Variants in ATP10B observed in about 807,000 individuals in gnomAD.
ATP10B encodes phospholipid-transporting ATPase VB.
In ATP10B, 122 loss-of-function variants were observed where a neutral mutation model predicts 141.2. That is an observed-to-expected ratio of 0.86 (90% CI 0.75 to 1.00). ATP10B has a LOEUF of 1.00. Ranked by LOEUF, ATP10B falls within the 50% of genes least tolerant of loss-of-function variation. ATP10B has a pLI of 0.00. For missense variants in ATP10B, 1,876 were observed against 1,825.3 expected, an observed-to-expected ratio of 1.03 and a Z score of -0.51; for synonymous variants, 685 against 692.0, an observed-to-expected ratio of 0.99 and a Z score of 0.16.
intron 9 of ATP10B, 103 bp downstream of exon 9, chr5:160,644,035 G>A: frequency 2.2e-6 from 2 of 923,226 alleles, no homozygotes; most frequent in Admixed American, 1.9e-5. Flanking sequence ...TGAGTAAATG[G>A]GAAGTTACTG....
At chr5:160,643,049 T>C (rs780853558) in intron 9 of ATP10B, among the ~76,000 whole-genome samples, 1 of 112,272 alleles carries the variant, frequency 8.9e-6, no homozygotes, top group Non-Finnish European at 2.0e-5. Context: ...AGTTCATTTT[T>C]AATAGGTTTA....
At chr5:160,872,790 GT>G in the ATP10B span, among the ~76,000 whole-genome samples, 5 of 152,126 alleles carry the variant, frequency 3.3e-5, no homozygotes, top group African/African-American at 1.2e-4. Flanking sequence ...TTAGAGTATA[GT>G]TTGATATCAG....
chr5:160,902,682 C>T, the ATP10B span, among the ~76,000 whole-genome samples: 31 of 152,250 alleles, frequency 2.0e-4, no homozygotes, highest in East Asian at 5.2e-3. Flanking sequence ...TCCAAATATC[C>T]ATAGACTCAC....
intron 7 of ATP10B, among the ~76,000 whole-genome samples, chr5:160,653,614 CATATATATTATATATACATATAT>C (rs1761138086): frequency 4.2e-5 from 1 of 23,832 alleles, no homozygotes; most frequent in South Asian, 1.2e-3. Flanking sequence ...TACATATATA[CATATATATTATATATACATATAT>C]ACATATATAT....
At position 160,602,679 on chromosome 5, in the gene ATP10B, G is replaced by A. The variant is rs199827005; in HGVS notation, c.3261C>T (p.Ala1087=). The change falls in exon 21 of 26, where the codon GCC becomes GCT. Residue 1087 remains alanine, a synonymous_variant. Transcript: ENST00000327245. ...TCTTGAGATGCTTAAAGCGGGTGAT[G>A]GCAAAGTCGCTGGACATGACAGCCT... The part of the protein sequence containing the change: ...GMQAVMSSDF[A]ITRFKHLKKL... 2 of 1,613,992 alleles carry A rather than the reference G, an allele frequency of 1.2e-6. No homozygotes were observed. The highest frequency in any genetic ancestry group is 2.2e-5 in the East Asian group (1 of 44,862).
At chr5:160,850,678 G>A (rs1753747979) in intron 1 of ATP10B, among the ~76,000 whole-genome samples, 1 of 152,232 alleles carries the variant, frequency 6.6e-6, no homozygotes, top group East Asian at 1.9e-4. Context: ...CACGAGAGGA[G>A]TATGATTTAA....
At chr5:160,659,825 G>A (rs939850499) in intron 7 of ATP10B, among the ~76,000 whole-genome samples, 5 of 152,130 alleles carry the variant, frequency 3.3e-5, no homozygotes, top group Non-Finnish European at 5.9e-5. Context: ...ATATTCATTT[G>A]AGAAATAAAA....
At chr5:160,822,989 CATATATATATACATAT>C (rs200692553) in intron 1 of ATP10B, among the ~76,000 whole-genome samples, 2,570 of 69,662 alleles carry the variant, frequency 0.037, 82 homozygotes, top group East Asian at 0.14. Context: ...ATTACATATA[CATATATATATACATAT>C]ATATATATAT....
intron 3 of ATP10B, among the ~76,000 whole-genome samples, chr5:160,715,959 T>C (rs1424911197): frequency 2.0e-5 from 3 of 152,120 alleles, no homozygotes; most frequent in Non-Finnish European, 4.4e-5. Context: ...TCCACTCTCC[T>C]GGGCCTCCCA....
At chr5:160,862,931 A>G in the ATP10B span, among the ~76,000 whole-genome samples, 1 of 152,148 alleles carries the variant, frequency 6.6e-6, no homozygotes, top group South Asian at 2.1e-4. Flanking sequence ...TGATTACATA[A>G]CTATTTCTAA....
At chr5:160,778,080 G>A (rs1397122463) in intron 2 of ATP10B, among the ~76,000 whole-genome samples, 2 of 152,166 alleles carry the variant, frequency 1.3e-5, no homozygotes, top group Non-Finnish European at 2.9e-5. Flanking sequence ...AAGTAGAGGG[G>A]CTGTAGACAG....
chr5:160,625,372 G>GA (rs1348086020), intron 13 of ATP10B, among the ~76,000 whole-genome samples: 1 of 152,186 alleles, frequency 6.6e-6, no homozygotes, highest in African/African-American at 2.4e-5. Flanking sequence ...CCATGAGAGT[G>GA]ATAAAAGGGA....
chr5:160,832,029 C>T (rs1775114640), intron 1 of ATP10B, among the ~76,000 whole-genome samples: 1 of 152,122 alleles, frequency 6.6e-6, no homozygotes, highest in South Asian at 2.1e-4. Context: ...CAGTTTGCTT[C>T]TCTGGTCTTA....
intron 15 of ATP10B, 104 bp from the exon 16 acceptor site, chr5:160,618,077 GA>G (rs1758126411): frequency 8.6e-6 from 8 of 933,586 alleles, no homozygotes; most frequent in East Asian, 2.5e-5. Context: ...ATACTTTAGA[GA>G]AGGAATCCCT....
chr5:160,770,535 A>G (rs1165316830), intron 2 of ATP10B, among the ~76,000 whole-genome samples: 1 of 152,130 alleles, frequency 6.6e-6, no homozygotes, highest in Admixed American at 6.6e-5. Context: ...AAATATGGGT[A>G]GCTCCCAATT....
At chr5:160,595,722 C>T (rs1756639441) in intron 22 of ATP10B, among the ~76,000 whole-genome samples, 1 of 152,016 alleles carries the variant, frequency 6.6e-6, no homozygotes, top group South Asian at 2.1e-4. Flanking sequence ...CACCACCGAT[C>T]CCACAGAAAT....
chr5:160,858,735 ATC>A, the ATP10B span, among the ~76,000 whole-genome samples: 1 of 151,782 alleles, frequency 6.6e-6, no homozygotes, highest in African/African-American at 2.4e-5. Context: ...TTTTGAGTAT[ATC>A]TCTTTGTATA....
chr5:160,601,255 A>C (rs566863851), intron 21 of ATP10B, among the ~76,000 whole-genome samples: 3 of 152,202 alleles, frequency 2.0e-5, no homozygotes, highest in Non-Finnish European at 4.4e-5. Context: ...GTCATTCCTG[A>C]GCAAAGGTGA....
intron 24 of ATP10B, among the ~76,000 whole-genome samples, chr5:160,578,760 C>T (rs536403298): frequency 1.5e-3 from 227 of 152,278 alleles, no homozygotes; most frequent in African/African-American, 1.9e-3. Context: ...CTTGAGGAAT[C>T]GCCACACTGT....
Sources: gnomAD v4.1 joint callset for allele counts (sites outside exome capture counted in the v4.1 genomes callset) on GRCh38, gnomAD v4.1.1 for gene constraint, MANE v1.5 for transcripts, NCBI Gene and HGNC (gene_info 2026-07-23, HGNC 2026-07-21) for gene names.